The following RELL1 variants were observed in gnomAD, a reference collection of about 807,000 sequenced individuals.
RELL1 encodes the protein RELT like 1.
RELL1 carries 10 observed loss-of-function variants against 23.0 expected under a neutral mutation model. The observed-to-expected ratio is 0.43, with a 90% CI of 0.27 to 0.74. The LOEUF (loss-of-function observed/expected upper bound fraction) is 0.74. Among genes scored for constraint, RELL1 ranks in the 30% least tolerant of loss-of-function variants. The pLI is 0.19. For missense variants in RELL1, 315 were observed against 364.4 expected (o/e 0.86, Z 1.10); for synonymous variants, 146 against 146.8 (o/e 0.99, Z 0.04).
intron 1 of RELL1, among the ~76,000 whole-genome samples, chr4:37,683,227 G>A (rs1722280480): frequency 6.6e-6 from 1 of 152,164 alleles, no homozygotes; most frequent in African/African-American, 2.4e-5. Context: ...TTCCTCTGCA[G>A]AGCAGTGGGG....
At chr4:37,647,857 T>G (rs1179710214) in intron 2 of RELL1, among the ~76,000 whole-genome samples, 1 of 152,246 alleles carries the variant, frequency 6.6e-6, no homozygotes, top group Non-Finnish European at 1.5e-5. Context: ...CCTTTTTAAA[T>G]TGGATCATAA....
chr4:37,591,057 T>G (rs937942), exon 7 of RELL1: 117,966 of 1,429,436 alleles, frequency 0.083, 6,208 homozygotes, highest in East Asian at 0.29. Flanking sequence ...GCAGATGCAT[T>G]TGCTCCCTGG....
At chr4:37,640,806 A>G (rs968420056) in intron 3 of RELL1, among the ~76,000 whole-genome samples, 1 of 152,036 alleles carries the variant, frequency 6.6e-6, no homozygotes, top group Non-Finnish European at 1.5e-5. Context: ...TGCAGATCTG[A>G]TGGATATGGA....
intron 6 of RELL1, among the ~76,000 whole-genome samples, chr4:37,628,617 C>A (rs1047020621): frequency 6.6e-6 from 1 of 152,196 alleles, no homozygotes. Context: ...GAAGGCCACT[C>A]GTGCTCATTG....
chr4:37,630,682 GTT>G (rs925232235), intron 6 of RELL1, among the ~76,000 whole-genome samples: 1 of 148,138 alleles, frequency 6.8e-6, no homozygotes, highest in East Asian at 2.0e-4. Context: ...GCTGCGTGTT[GTT>G]TTTTTTTTAA....
chr4:37,630,396 GCT>G (rs1720088484), intron 6 of RELL1, among the ~76,000 whole-genome samples: 2 of 114,578 alleles, frequency 1.7e-5, no homozygotes, highest in Admixed American at 2.6e-4. Context: ...ACCGAGTCTC[GCT>G]CTGTCGCCCA....
intron 1 of RELL1, among the ~76,000 whole-genome samples, chr4:37,670,034 TAA>T (rs1254439292): frequency 8.0e-5 from 6 of 75,048 alleles, no homozygotes; most frequent in Non-Finnish European, 1.5e-4. Flanking sequence ...GAATGATCAA[TAA>T]AAAAATAAAT....
chr4:37,681,151 G>C (rs1484440971), intron 1 of RELL1, among the ~76,000 whole-genome samples: 1 of 152,082 alleles, frequency 6.6e-6, no homozygotes. Context: ...CTATGCAACA[G>C]TAGCAAACTC....
In RELL1 at chr4:37,636,292, A is replaced by C. The variant is rs576598160; in HGVS notation, c.444-1169T>G. 2.0e-5 allele frequency among the ~76,000 whole-genome samples: 3 copies of C among 152,298 alleles called. No individual in the cohort carries two copies. In the East Asian group the frequency reaches 5.8e-4, roughly 29 times the overall value. ...TGGAATATATTTGGCTAGACCATCC[A>C]AAATATAAAAAGCAGAAATATGGCC... On this transcript the variant is annotated intron_variant, in intron 4 of 6. Transcript: ENST00000454158.
At chr4:37,645,599 G>A (rs976537426) in intron 3 of RELL1, among the ~76,000 whole-genome samples, 4 of 152,188 alleles carry the variant, frequency 2.6e-5, no homozygotes, top group Non-Finnish European at 4.4e-5. Flanking sequence ...TAGAAGACAG[G>A]AGGGACAATA....
intron 4 of RELL1, 108 bp from the exon 5 acceptor site, chr4:37,635,231 A>G (rs1378738359): frequency 2.3e-6 from 2 of 879,266 alleles, no homozygotes; most frequent in African/African-American, 3.4e-5. Flanking sequence ...AGAAAAAAAA[A>G]AGCGTCTTCC....
chr4:37,608,132 G>A (rs183242579), downstream of RELL1, among the ~76,000 whole-genome samples: 6 of 152,158 alleles, frequency 3.9e-5, no homozygotes, highest in South Asian at 2.1e-4. Flanking sequence ...CCAACCAGCC[G>A]TTCCCGTCTC....
At chr4:37,605,465 T>G (rs145767248) in intron 6 of RELL1, among the ~76,000 whole-genome samples, 29 of 152,052 alleles carry the variant, frequency 1.9e-4, no homozygotes, top group African/African-American at 7.0e-4. Flanking sequence ...ATAAAGGGCT[T>G]TCAAAAAAGA....
chr4:37,669,856 C>T (rs1721762592), intron 1 of RELL1, among the ~76,000 whole-genome samples: 1 of 151,338 alleles, frequency 6.6e-6, no homozygotes, highest in Non-Finnish European at 1.5e-5. Flanking sequence ...CGTTAAGAGT[C>T]ATCACCACTC....
intron 3 of RELL1, among the ~76,000 whole-genome samples, chr4:37,642,474 GCC>G (rs1191396636): frequency 1.3e-5 from 2 of 152,194 alleles, no homozygotes; most frequent in African/African-American, 4.8e-5. Context: ...AGCTAGCACT[GCC>G]GTACATCCAA....
At chr4:37,665,118 C>T (rs1721487368) in intron 1 of RELL1, 1 of 385,058 alleles carries the variant, frequency 2.6e-6, no homozygotes, top group African/African-American at 2.1e-5. Context: ...CCTGGGTAAT[C>T]AATCAAGTCC....
At chr4:37,626,666 A>G (rs1719960268) in intron 6 of RELL1, among the ~76,000 whole-genome samples, 1 of 152,214 alleles carries the variant, frequency 6.6e-6, no homozygotes, top group South Asian at 2.1e-4. Flanking sequence ...AATGAATAAA[A>G]TGTAGTATAG....
chr4:37,597,045 GC>G (rs1287661887), intron 6 of RELL1, among the ~76,000 whole-genome samples: 1 of 151,734 alleles, frequency 6.6e-6, no homozygotes, highest in Non-Finnish European at 1.5e-5. Context: ...ACCGCGCCCA[GC>G]CCGGGCCAAT....
intron 6 of RELL1, among the ~76,000 whole-genome samples, chr4:37,604,920 G>GAGAC (rs1719145555): frequency 9.2e-6 from 1 of 108,186 alleles, no homozygotes; most frequent in Non-Finnish European, 1.8e-5. Context: ...CACACACACA[G>GAGAC]ACACACACAC....
Sources: allele counts gnomAD v4.1 joint callset (sites outside exome capture counted in the v4.1 genomes callset), GRCh38; gene constraint gnomAD v4.1.1; transcripts MANE v1.5; gene names NCBI Gene and HGNC (gene_info 2026-07-23, HGNC 2026-07-21).